PPFIA2: variants seen among roughly 807,000 people sequenced by gnomAD.
PPFIA2 encodes the protein liprin-alpha-2.
A neutral mutation model predicts 175.5 loss-of-function variants in PPFIA2; 46 were observed. The observed-to-expected ratio is 0.26, with a 90% CI of 0.21 to 0.34. The LOEUF is 0.34. Ranked by LOEUF, PPFIA2 falls within the 10% of genes least tolerant of loss-of-function variation. PPFIA2 has a pLI of 1.00. For missense variants in PPFIA2, 1,179 were observed against 1,506.1 expected, an observed-to-expected ratio of 0.78 and a Z score of 3.60; for synonymous variants, 568 against 511.4, an observed-to-expected ratio of 1.11 and a Z score of -1.49.
intron 5 of PPFIA2, among the ~76,000 whole-genome samples, chr12:81,451,168 A>G (rs1566890348): frequency 2.0e-5 from 3 of 151,448 alleles, no homozygotes; most frequent in Admixed American, 6.6e-5. Flanking sequence ...TTTGTGTGTG[A>G]ATATATATAT....
chr12:81,633,451 T>C (rs945015362), intron 4 of PPFIA2, among the ~76,000 whole-genome samples: 2 of 151,916 alleles, frequency 1.3e-5, no homozygotes, highest in Non-Finnish European at 2.9e-5. Flanking sequence ...GAGGCAGACA[T>C]GCAGACAATG....
chr12:81,263,659 A>G (rs550439629), intron 30 of PPFIA2, among the ~76,000 whole-genome samples: 1 of 152,326 alleles, frequency 6.6e-6, no homozygotes, highest in South Asian at 2.1e-4. Flanking sequence ...GAAAGCCTAA[A>G]ATAAGCAACC....
At chr12:81,274,609 G>T (rs2040028534) in intron 28 of PPFIA2, among the ~76,000 whole-genome samples, 1 of 151,674 alleles carries the variant, frequency 6.6e-6, no homozygotes. Context: ...AAATCTTCTT[G>T]ACCTAAACAA....
rs1398927118 is a variant in PPFIA2 at position 81,758,443 on chromosome 12, T to C, written c.-46A>G. 4.4e-6 allele frequency: 2 copies of C among 456,572 alleles called. No homozygotes were observed. The highest frequency in any genetic ancestry group is 8.8e-6 in the Non-Finnish European group (2 of 226,776). 28.3% of individuals were successfully genotyped at this position (456,572 alleles called of 1,614,324 possible). Reference sequence around the variant, plus strand: ...GGTCCTTGCTTCTTCAATTGATCAATGACAACCGCAGTCTCCGGCTTGAGG... The same window carrying C: ...GGTCCTTGCTTCTTCAATTGATCAACGACAACCGCAGTCTCCGGCTTGAGG... On this transcript the variant is annotated 5_prime_UTR_variant, in exon 2 of 33. Transcript: ENST00000549396.
chr12:81,376,079 C>T (rs980786956), intron 9 of PPFIA2, 137 bp from the exon 10 acceptor site: 26 of 806,906 alleles, frequency 3.2e-5, no homozygotes, highest in Admixed American at 2.6e-4. Context: ...TTTCATTGAA[C>T]GAATGTGAGA....
chr12:81,628,294 C>A (rs754042008), intron 4 of PPFIA2, among the ~76,000 whole-genome samples: 1 of 151,640 alleles, frequency 6.6e-6, no homozygotes, highest in African/African-American at 2.4e-5. Context: ...TGATCCCAAG[C>A]TACCTATTTA....
At chr12:81,462,254 CATATAT>C (rs71871906) in intron 4 of PPFIA2, among the ~76,000 whole-genome samples, 77 of 132,856 alleles carry the variant, frequency 5.8e-4, no homozygotes, top group Middle Eastern at 4.2e-3. Context: ...GCTTTTCTAA[CATATAT>C]ATATATATAT....
At chr12:81,718,380 G>A (rs1344614563) in intron 3 of PPFIA2, among the ~76,000 whole-genome samples, 1 of 151,590 alleles carries the variant, frequency 6.6e-6, no homozygotes, top group African/African-American at 2.4e-5. Context: ...GTTCTAGAAT[G>A]TGTGAGAAGT....
chr12:81,688,638 A>AT (rs2074776878), intron 3 of PPFIA2, among the ~76,000 whole-genome samples: 1 of 150,804 alleles, frequency 6.6e-6, no homozygotes, highest in Non-Finnish European at 1.5e-5. Context: ...ATCGGAAGTG[A>AT]TTTTTGTAAG....
intron 4 of PPFIA2, among the ~76,000 whole-genome samples, chr12:81,467,771 C>T (rs1372243191): frequency 2.0e-5 from 3 of 152,134 alleles, no homozygotes; most frequent in African/African-American, 7.2e-5. Flanking sequence ...TGAACCCTTG[C>T]ATTGCTTGTT....
At chr12:81,494,292 C>CA (rs1383015544) in intron 4 of PPFIA2, among the ~76,000 whole-genome samples, 1 of 151,990 alleles carries the variant, frequency 6.6e-6, no homozygotes, top group African/African-American at 2.4e-5. Flanking sequence ...AGGACATGAA[C>CA]AGACACTTCT....
chr12:81,612,617 G>A (rs1004916287), intron 4 of PPFIA2, among the ~76,000 whole-genome samples: 1 of 152,110 alleles, frequency 6.6e-6, no homozygotes, highest in Non-Finnish European at 1.5e-5. Flanking sequence ...AGACTCCACT[G>A]GGGTAACAGG....
intron 4 of PPFIA2, among the ~76,000 whole-genome samples, chr12:81,628,634 C>T (rs950674503): frequency 6.6e-6 from 1 of 152,194 alleles, no homozygotes; most frequent in African/African-American, 2.4e-5. Context: ...TTGTCTTGGC[C>T]TCCCAAAGTG....
chr12:81,537,653 A>T (rs1567232918), intron 4 of PPFIA2, among the ~76,000 whole-genome samples: 1 of 151,858 alleles, frequency 6.6e-6, no homozygotes, highest in Non-Finnish European at 1.5e-5. Flanking sequence ...TAATGTCAAC[A>T]TGCCTCAATT....
At chr12:81,688,970 T>A (rs373766152) in intron 3 of PPFIA2, among the ~76,000 whole-genome samples, 2 of 151,646 alleles carry the variant, frequency 1.3e-5, no homozygotes, top group African/African-American at 4.8e-5. Flanking sequence ...AGAAAACAGA[T>A]GATCTATATT....
chr12:81,534,869 T>C (rs1180918971), intron 4 of PPFIA2, among the ~76,000 whole-genome samples: 1 of 151,536 alleles, frequency 6.6e-6, no homozygotes, highest in African/African-American at 2.4e-5. Flanking sequence ...AGTGTTGAAA[T>C]TCTAGGGAGG....
At chr12:81,459,536 G>T (rs941030886) in intron 4 of PPFIA2, among the ~76,000 whole-genome samples, 1 of 152,096 alleles carries the variant, frequency 6.6e-6, no homozygotes, top group African/African-American at 2.4e-5. Context: ...AATTATGAAT[G>T]AATTTTGGTT....
chr12:81,386,987 T>C (rs559637162), intron 8 of PPFIA2, among the ~76,000 whole-genome samples: 2 of 152,218 alleles, frequency 1.3e-5, no homozygotes, highest in Middle Eastern at 3.4e-3. Context: ...AATGCACACA[T>C]GCCCATTCCT....
intron 4 of PPFIA2, among the ~76,000 whole-genome samples, chr12:81,634,353 G>A (rs1330435533): frequency 1.3e-5 from 2 of 151,912 alleles, no homozygotes; most frequent in Non-Finnish European, 2.9e-5. Flanking sequence ...ATTTCTGTAA[G>A]TTTATTTTGT....
Sources: allele counts gnomAD v4.1 joint callset (sites outside exome capture counted in the v4.1 genomes callset), GRCh38; gene constraint gnomAD v4.1.1; transcripts MANE v1.5; gene names NCBI Gene and HGNC (gene_info 2026-07-23, HGNC 2026-07-21).